The following OSBPL10 variants were observed in gnomAD, a reference collection of about 807,000 sequenced individuals.
The protein encoded by OSBPL10 is oxysterol-binding protein-related protein 10.
A neutral mutation model predicts 81.7 loss-of-function variants in OSBPL10; 49 were observed. That is an observed-to-expected ratio of 0.60 (90% CI 0.48 to 0.76). The LOEUF (loss-of-function observed/expected upper bound fraction) is 0.76. OSBPL10 is among the 30% of genes least tolerant of loss of function. The probability of loss-of-function intolerance (pLI) is 0.00; values close to 1 mark genes in which losing one functional copy is unlikely to be tolerated. For missense variants in OSBPL10, 923 were observed against 987.8 expected, an observed-to-expected ratio of 0.93 and a Z score of 0.88; for synonymous variants, 419 against 383.6, an observed-to-expected ratio of 1.09 and a Z score of -1.08.
rs557003287 is a variant in OSBPL10 at position 32,012,712 on chromosome 3, G to GAC, written n.298+33777_298+33778dup. Among the ~76,000 whole-genome samples the GAC allele has an allele frequency of 8.8e-3, 1,337 of 152,246 alleles. 14 individuals are homozygous for GAC. The highest frequency in any genetic ancestry group is 0.03 in the African/African-American group (1,260 of 41,524). On this transcript the variant is annotated intron_variant and non_coding_transcript_variant, in intron 2 of 3. Transcript: ENST00000479173. ...TCAGGAAACCTATCTCACGTGCAGA[G>GAC]ACACACTTAGGCTCAAAATAAAGGG...
At chr3:32,067,421 A>C (rs1338005749) in intron 1 of OSBPL10, among the ~76,000 whole-genome samples, 1 of 152,160 alleles carries the variant, frequency 6.6e-6, no homozygotes, top group Admixed American at 6.5e-5. Context: ...AGTGATATTC[A>C]GGGATCTGCA....
chr3:31,942,052 A>G (rs552272392), intron 1 of OSBPL10, among the ~76,000 whole-genome samples: 1 of 152,044 alleles, frequency 6.6e-6, no homozygotes, highest in African/African-American at 2.4e-5. Context: ...AGGCGGGTGG[A>G]TCACGAGGTC....
At chr3:32,048,951 C>T (rs1372219810) in intron 1 of OSBPL10, among the ~76,000 whole-genome samples, 5 of 152,180 alleles carry the variant, frequency 3.3e-5, no homozygotes, top group Admixed American at 6.5e-5. Flanking sequence ...AATTAGAAAA[C>T]ATTAGCATGC....
chr3:31,915,538 A>C (rs187203884), intron 1 of OSBPL10, among the ~76,000 whole-genome samples: 1 of 152,322 alleles, frequency 6.6e-6, no homozygotes, highest in East Asian at 1.9e-4. Flanking sequence ...ATTCTCACTT[A>C]TATGTGTAAG....
chr3:31,770,762 G>A (rs900322287), intron 4 of OSBPL10, among the ~76,000 whole-genome samples: 1 of 152,106 alleles, frequency 6.6e-6, no homozygotes, highest in Non-Finnish European at 1.5e-5. Flanking sequence ...CTCCAGCCTG[G>A]GCAACAAGGG....
At chr3:31,706,557 A>C (rs2125603428) in intron 6 of OSBPL10, among the ~76,000 whole-genome samples, 1 of 152,014 alleles carries the variant, frequency 6.6e-6, no homozygotes, top group South Asian at 2.1e-4. Context: ...AAGGAGAAGG[A>C]GATATATGGG....
chr3:31,919,895 A>C (rs1373094873), intron 1 of OSBPL10, among the ~76,000 whole-genome samples: 1 of 152,260 alleles, frequency 6.6e-6, no homozygotes, highest in East Asian at 1.9e-4. Context: ...AATAGTGCAG[A>C]CTGTGAAACA....
At chr3:31,769,890 A>T (rs1009435524) in intron 4 of OSBPL10, among the ~76,000 whole-genome samples, 8 of 66,746 alleles carry the variant, frequency 1.2e-4, no homozygotes, top group African/African-American at 4.7e-4. Flanking sequence ...AAAATAGTTC[A>T]TGGATCCCCT....
At chr3:31,727,514 A>G (rs1696845976) in intron 6 of OSBPL10, among the ~76,000 whole-genome samples, 1 of 152,212 alleles carries the variant, frequency 6.6e-6, no homozygotes, top group Non-Finnish European at 1.5e-5. Flanking sequence ...CTTATAACAA[A>G]TTTTAAACTT....
intron 1 of OSBPL10, among the ~76,000 whole-genome samples, chr3:32,072,824 G>A (rs953525248): frequency 3.1e-4 from 47 of 152,076 alleles, no homozygotes; most frequent in African/African-American, 9.7e-4. Context: ...CCTTTCCCAC[G>A]GGGTCTGAGA....
chr3:31,721,445 T>A (rs1469891570), intron 6 of OSBPL10: 1 of 152,242 alleles, frequency 6.6e-6, no homozygotes, highest in African/African-American at 2.4e-5. Context: ...CTACCTGGGC[T>A]TCCCACCTGT....
chr3:31,726,624 T>G (rs1191454149), intron 6 of OSBPL10, among the ~76,000 whole-genome samples: 1 of 152,084 alleles, frequency 6.6e-6, no homozygotes, highest in Non-Finnish European at 1.5e-5. Context: ...TCAGAAAGTA[T>G]CTTGAGAAGA....
At chr3:31,779,362 G>A (rs566598102) in intron 4 of OSBPL10, among the ~76,000 whole-genome samples, 46 of 152,222 alleles carry the variant, frequency 3.0e-4, no homozygotes, top group African/African-American at 1.0e-3. Context: ...TCAAGGTAAA[G>A]GAGTAGAAAA....
intron 8 of OSBPL10, among the ~76,000 whole-genome samples, chr3:31,679,868 T>C (rs1334886349): frequency 6.6e-6 from 1 of 152,062 alleles, no homozygotes; most frequent in African/African-American, 2.4e-5. Flanking sequence ...TATTACAAAC[T>C]CAAGTATAAA....
intron 3 of OSBPL10, among the ~76,000 whole-genome samples, chr3:31,871,151 C>T (rs866124627): frequency 1.3e-5 from 2 of 152,158 alleles, no homozygotes; most frequent in Non-Finnish European, 2.9e-5. Flanking sequence ...AAGGTTTGTT[C>T]TTTCGCTCTT....
chr3:31,668,048 CTTTAA>C (rs773248983), intron 10 of OSBPL10, among the ~76,000 whole-genome samples: 13 of 152,114 alleles, frequency 8.5e-5, no homozygotes, highest in Non-Finnish European at 1.8e-4. Flanking sequence ...GCTTAGTTTT[CTTTAA>C]AAAAAGAATA....
chr3:31,795,969 C>G (rs918788849), intron 4 of OSBPL10: 4 of 224,440 alleles, frequency 1.8e-5, no homozygotes, highest in Admixed American at 8.8e-5. Context: ...CATTTTCTTA[C>G]AGCTCTGCAC....
intron 4 of OSBPL10, among the ~76,000 whole-genome samples, chr3:31,802,517 G>A (rs1299345765): frequency 8.0e-6 from 1 of 124,876 alleles, no homozygotes; most frequent in Non-Finnish European, 1.6e-5. Flanking sequence ...AGTGAGCCAA[G>A]ATCATGCGCC....
intron 4 of OSBPL10, among the ~76,000 whole-genome samples, chr3:31,766,405 C>A (rs1698201726): frequency 6.7e-6 from 1 of 148,164 alleles, no homozygotes; most frequent in Non-Finnish European, 1.5e-5. Flanking sequence ...TGCAGTGGCA[C>A]AATCATTGCT....
Sources: allele counts gnomAD v4.1 joint callset (sites outside exome capture counted in the v4.1 genomes callset), GRCh38; gene constraint gnomAD v4.1.1; transcripts MANE v1.5; gene names NCBI Gene and HGNC (gene_info 2026-07-23, HGNC 2026-07-21).